Variants in PARD6B observed in about 807,000 individuals in gnomAD.
PARD6B encodes par-6 family cell polarity regulator beta, also known as partitioning defective 6 homolog beta.
In PARD6B, 4 loss-of-function variants were observed where a neutral mutation model predicts 10.5. The ratio of observed to expected loss-of-function variants is 0.38; its 90% CI spans 0.19 to 0.87. PARD6B has a LOEUF of 0.87. Ranked by LOEUF, PARD6B falls within the 40% of genes least tolerant of loss-of-function variation. PARD6B has a pLI of 0.41. For missense variants in PARD6B, 396 were observed against 470.6 expected (o/e 0.84, Z 1.47); for synonymous variants, 169 against 170.4 (o/e 0.99, Z 0.07).
chr20:50,736,319 T>C (rs896693145), intron 1 of PARD6B, among the ~76,000 whole-genome samples: 2 of 152,232 alleles, frequency 1.3e-5, no homozygotes, highest in African/African-American at 4.8e-5. Flanking sequence ...TACATGATGC[T>C]TAAGGCTGTA....
chr20:50,738,953 C>CT (rs879530771), intron 2 of PARD6B, among the ~76,000 whole-genome samples: 6 of 145,562 alleles, frequency 4.1e-5, no homozygotes, highest in African/African-American at 7.6e-5. Flanking sequence ...AGTCCTAAAA[C>CT]TTTTTTTTTT....
rs974052780 is a variant in PARD6B, at chr20:50,731,581, G to T, written c.-206G>T. ...TGCTTCCCCGCCTGCCGCGCCACCA[G>T]TCCGACCCTCGGTCCCGCCGTGTGA... On this transcript the variant is annotated 5_prime_UTR_variant, in exon 1 of 3. Transcript: ENST00000371610. 2 of 439,958 alleles carry T rather than the reference G, an allele frequency of 4.5e-6. No homozygotes were observed. The highest frequency in any genetic ancestry group is 2.1e-5 in the African/African-American group (1 of 48,224). The allele number at this position is 439,958 out of a possible 1,614,324, so 27.3% of individuals were successfully genotyped here.
rs773565570 is a variant in PARD6B, at chr20:50,750,088, G to A, written c.719G>A (p.Arg240His). 1.1e-5 allele frequency: 18 copies of A among 1,614,086 alleles called. 1 individual carries two copies. The highest frequency in any genetic ancestry group is 1.6e-4 in the Middle Eastern group (1 of 6,084). ...QVTDMMIANS[R>H]NLIITVRPAN... ...ACAGACATGATGATTGCAAATAGCCGTAACCTCATCATAACAGTGAGACCG... is the reference window on the plus strand; with the variant it reads ...ACAGACATGATGATTGCAAATAGCCATAACCTCATCATAACAGTGAGACCG... The change falls in exon 3 of 3, where the codon CGT becomes CAT. Residue 240 changes from arginine to histidine, a missense_variant. By Grantham distance (29) the Arg-to-His change is conservative. Coordinates refer to ENST00000371610, the MANE Select transcript of PARD6B (RefSeq NM_032521.3).
intron 2 of PARD6B, among the ~76,000 whole-genome samples, chr20:50,741,536 G>A (rs2087530367): frequency 6.6e-6 from 1 of 151,992 alleles, no homozygotes; most frequent in African/African-American, 2.4e-5. Context: ...GACTTACTTA[G>A]TGTACTATAA....
chr20:50,743,485 C>T (rs2087542348), intron 2 of PARD6B, among the ~76,000 whole-genome samples: 1 of 152,116 alleles, frequency 6.6e-6, no homozygotes. Flanking sequence ...GTGCATTGGA[C>T]ATTATTTTGT....
chr20:50,746,992 G>A (rs1371958152), intron 2 of PARD6B, among the ~76,000 whole-genome samples: 1 of 152,018 alleles, frequency 6.6e-6, no homozygotes, highest in Non-Finnish European at 1.5e-5. Context: ...ATACATTTCT[G>A]TCTCTGTAAG....
chr20:50,747,354 A>G (rs1190517309), intron 2 of PARD6B, among the ~76,000 whole-genome samples: 1 of 152,160 alleles, frequency 6.6e-6, no homozygotes. Flanking sequence ...GCGCTATACA[A>G]ACGCAAGATG....
At chr20:50,741,848 A>G (rs951526505) in intron 2 of PARD6B, among the ~76,000 whole-genome samples, 2 of 152,020 alleles carry the variant, frequency 1.3e-5, no homozygotes, top group African/African-American at 4.8e-5. Flanking sequence ...GCCCGGCCGC[A>G]CTCTGTCTTT....
At chr20:50,733,537 A>G (rs1341814144) in intron 1 of PARD6B, among the ~76,000 whole-genome samples, 1 of 152,274 alleles carries the variant, frequency 6.6e-6, no homozygotes, top group Non-Finnish European at 1.5e-5. Flanking sequence ...AGGAATGTGC[A>G]TGTCCATGTG....
intron 1 of PARD6B, among the ~76,000 whole-genome samples, chr20:50,734,569 A>G (rs571782652): frequency 2.1e-4 from 32 of 152,142 alleles, no homozygotes; most frequent in African/African-American, 7.5e-4. Context: ...CATGTTGCCC[A>G]GTCTGATCTT....
chr20:50,744,990 AC>A (rs1355777191), intron 2 of PARD6B, among the ~76,000 whole-genome samples: 1 of 152,146 alleles, frequency 6.6e-6, no homozygotes, highest in African/African-American at 2.4e-5. Flanking sequence ...TATTTTATTC[AC>A]CAAATCTGTA....
rs888796866 is a variant in PARD6B, at chr20:50,750,355, C to G, written c.986C>G (p.Ser329Cys). Residue 329 changes from serine (S) to cysteine (C), a missense_variant, in exon 3 of 3, where the codon TCT becomes TGT. Transcript: ENST00000371610. ...ACACAGATAGAGCTAAGCTTTGAGT[C>G]TGGACAGAATGGCTTTATTCCCTCT... Reference protein sequence around the residue: ...SLTQIELSFESGQNGFIPSNE... With the variant: ...SLTQIELSFECGQNGFIPSNE... 6.2e-7 allele frequency: 1 copy of G among 1,614,178 alleles called. No individual in the cohort carries two copies. Among genetic ancestry groups the G allele is most frequent in the Admixed American group, 1.7e-5 (1 of 60,020 alleles).
chr20:50,752,395 AAACTACATAG>A lies in PARD6B; in HGVS notation c.*1908_*1917del. ...TAGAAACACTGCCTACACTTTATGA[AAACTACATAG>A]TATTCACCTGTGACAGGTAGAGTTT... On this transcript the variant is annotated 3_prime_UTR_variant, in exon 3 of 3. Transcript: ENST00000371610. 1 of 985,872 alleles carries A rather than the reference AAACTACATAG, an allele frequency of 1.0e-6. No individual in the cohort carries two copies. Among genetic ancestry groups the A allele is most frequent in the Non-Finnish European group, 1.2e-6 (1 of 829,918 alleles). The allele number at this position is 985,872 out of a possible 1,614,324, so 61.1% of individuals were successfully genotyped here.
intron 2 of PARD6B, among the ~76,000 whole-genome samples, chr20:50,748,895 CG>C (rs1437878397): frequency 1.3e-5 from 2 of 151,940 alleles, no homozygotes; most frequent in Non-Finnish European, 2.9e-5. Flanking sequence ...GTTTTAAGGC[CG>C]GACACAGTAG....
rs58629233 is a variant in PARD6B, at chr20:50,747,489, C to CTTTTTTTTT, written c.290-2155_290-2147dup. Among the ~76,000 whole-genome samples the CTTTTTTTTT allele has an allele frequency of 1.6e-3, 53 of 33,356 alleles. 3 individuals are homozygous for CTTTTTTTTT. The highest frequency in any genetic ancestry group is 2.8e-3 in the East Asian group (2 of 726). The allele number at this position is 33,356 out of a possible 152,430, so 21.9% of individuals were successfully genotyped here. ...TTTCTTTTTCTTTTTTTCTTTCTTT[C>CTTTTTTTTT]TTTTTTTTTTTTTTTTTTTTTTTGC... is the stretch of plus-strand genomic sequence containing the variant. On this transcript the variant is annotated intron_variant, in intron 2 of 2. Coordinates refer to ENST00000371610, the MANE Select transcript of PARD6B (RefSeq NM_032521.3).
chr20:50,739,609 C>CA (rs1182432890), intron 2 of PARD6B, among the ~76,000 whole-genome samples: 2 of 152,114 alleles, frequency 1.3e-5, no homozygotes. Context: ...AGTCCACCAA[C>CA]AAAATAAACC....
At position 50,753,702 on chromosome 20, in the gene PARD6B, A is replaced by G. The variant is rs1237592428; in HGVS notation, c.*3214A>G. On this transcript the variant is annotated 3_prime_UTR_variant, in exon 3 of 3. Coordinates refer to ENST00000371610, the MANE Select transcript of PARD6B (RefSeq NM_032521.3). ...AAAATCAAATTAGCTTTAGTTGTAT[A>G]TTATTTTTTACAAATAAAGATAGAC... 6 of 697,492 alleles carry G rather than the reference A, an allele frequency of 8.6e-6. No homozygotes were observed. The highest frequency in any genetic ancestry group is 1.9e-5 in the African/African-American group (1 of 51,642). 43.2% of individuals were successfully genotyped at this position (697,492 alleles called of 1,614,324 possible). A position where few individuals can be genotyped will look rare whatever the true frequency, so the allele number is the denominator to read the frequency against.
At chr20:50,733,752 T>G (rs1296124973) in intron 1 of PARD6B, among the ~76,000 whole-genome samples, 1 of 152,212 alleles carries the variant, frequency 6.6e-6, no homozygotes, top group Non-Finnish European at 1.5e-5. Context: ...AAAACACTTG[T>G]GATATTGCAT....
In PARD6B at chr20:50,739,221, CG is replaced by C. The variant is rs2087516311; in HGVS notation, c.289+1144del. ...CAGCACTTTGGGAGGTGGAGGCGGG[CG>C]GATCATCTGAGGTCAGAAGTTCATG... On this transcript the variant is annotated intron_variant, in intron 2 of 2. Coordinates refer to ENST00000371610, the MANE Select transcript of PARD6B (RefSeq NM_032521.3). Among the ~76,000 whole-genome samples, 8 of 151,752 alleles carry C rather than the reference CG, an allele frequency of 5.3e-5. No homozygotes were observed. The South Asian group carries it at 1.7e-3, about 32-fold the overall frequency.
Sources: allele counts gnomAD v4.1 joint callset (sites outside exome capture counted in the v4.1 genomes callset), GRCh38; gene constraint gnomAD v4.1.1; transcripts MANE v1.5; gene names NCBI Gene and HGNC (gene_info 2026-07-23, HGNC 2026-07-21).